The following ARHGEF12 variants were observed in gnomAD, a reference collection of about 807,000 sequenced individuals.
The protein encoded by ARHGEF12 is KMT2A/ARHGEF12 fusion protein.
ARHGEF12 carries 66 observed loss-of-function variants against 211.2 expected under a neutral mutation model. The observed-to-expected ratio is 0.31, with a 90% CI of 0.26 to 0.38. The LOEUF (loss-of-function observed/expected upper bound fraction) is 0.38. Among genes scored for constraint, ARHGEF12 ranks in the 10% least tolerant of loss-of-function variants. The probability of loss-of-function intolerance (pLI) is 1.00; values close to 1 mark genes in which losing one functional copy is unlikely to be tolerated. For synonymous variants in ARHGEF12, 592 were observed against 638.4 expected, an observed-to-expected ratio of 0.93 and a Z score of 1.09; for missense variants, 1,429 against 1,869.5, an observed-to-expected ratio of 0.76 and a Z score of 4.34.
rs375508258 is a variant in ARHGEF12, at chr11:120,441,664, T to A, written c.1093-43T>A. 3.4e-6 allele frequency: 5 copies of A among 1,481,920 alleles called. No homozygotes were observed. In the African/African-American group the frequency reaches 6.9e-5, roughly 21 times the overall value. The allele number at this position is 1,481,920 out of a possible 1,614,324, so 91.8% of individuals were successfully genotyped here. On this transcript the variant is annotated intron_variant, in intron 13 of 40. Transcript: ENST00000397843. Reference sequence around the variant, plus strand: ...ATTGAGCCTACTTTGCATTTAGTATTTGTATGTTGGAGTTACTGATGCATA... The same window carrying A: ...ATTGAGCCTACTTTGCATTTAGTATATGTATGTTGGAGTTACTGATGCATA...
Position 120,480,279 on chromosome 11 carries a change from C to T in ARHGEF12, c.4086C>T (p.Thr1362=). The stretch of plus-strand genomic sequence containing the variant: ...TAGTAATGGACCACATGATTATGAC[C>T]CCAGAGATGCCTACCATGGAGCCAG... ...NILVMDHMIM[T]PEMPTMEPEG... is the part of the protein sequence containing the mutation. The change falls in exon 38 of 41, where the codon ACC becomes ACT. Residue 1362 remains threonine, a synonymous_variant. Coordinates refer to ENST00000397843, the MANE Select transcript of ARHGEF12 (RefSeq NM_015313.3). 1 of 1,614,096 alleles carries T rather than the reference C, an allele frequency of 6.2e-7. No homozygotes were observed. Among genetic ancestry groups the T allele is most frequent in the Non-Finnish European group, 8.5e-7 (1 of 1,180,028 alleles).
chr11:120,485,080 C>G lies in ARHGEF12; in HGVS notation c.*3C>G. Reference sequence around the variant, plus strand: ...TATTCTTCTCAGATAAAAGTTAGAGCCGCATGTCCTGGAGGTGACTGCAGG... The same window carrying G: ...TATTCTTCTCAGATAAAAGTTAGAGGCGCATGTCCTGGAGGTGACTGCAGG... On this transcript the variant is annotated 3_prime_UTR_variant, in exon 41 of 41. Coordinates refer to ENST00000397843, the MANE Select transcript of ARHGEF12 (RefSeq NM_015313.3). 1 of 1,613,540 alleles carries G rather than the reference C, an allele frequency of 6.2e-7. No individual in the cohort carries two copies. Among genetic ancestry groups the G allele is most frequent in the Non-Finnish European group, 8.5e-7 (1 of 1,179,734 alleles).
chr11:120,338,198 C>G (rs1293992520), intron 1 of ARHGEF12, among the ~76,000 whole-genome samples: 1 of 152,196 alleles, frequency 6.6e-6, no homozygotes, highest in Non-Finnish European at 1.5e-5. Context: ...TGTCAGCTTG[C>G]TTTATTTTTA....
chr11:120,359,065 A>G (rs1208470404), intron 1 of ARHGEF12, among the ~76,000 whole-genome samples: 2 of 152,076 alleles, frequency 1.3e-5, no homozygotes, highest in Non-Finnish European at 2.9e-5. Flanking sequence ...GCCCTGAGTG[A>G]GTGATTTTAG....
In ARHGEF12 at chr11:120,442,127, G is replaced by T; in HGVS notation, c.1227G>T (p.Leu409=). The T allele has an allele frequency of 6.2e-7, 1 of 1,609,268 alleles. No homozygotes were observed. Among genetic ancestry groups the T allele is most frequent in the Non-Finnish European group, 8.5e-7 (1 of 1,178,542 alleles). The change falls in exon 15 of 41, where the codon CTG becomes CTT. Residue 409 remains leucine (L), a synonymous_variant. Coordinates refer to ENST00000397843, the MANE Select transcript of ARHGEF12 (RefSeq NM_015313.3). Reference sequence around the variant, plus strand: ...AGCTCTGTTATCTCTATTCAGACCTGTATAAACATACCAATTCCAAAGAAA... The same window carrying T: ...AGCTCTGTTATCTCTATTCAGACCTTTATAAACATACCAATTCCAAAGAAA... ...ATLLCYLYSD[L]YKHTNSKETR...
intron 1 of ARHGEF12, among the ~76,000 whole-genome samples, chr11:120,339,415 T>C (rs1942462351): frequency 6.6e-6 from 1 of 152,194 alleles, no homozygotes; most frequent in Non-Finnish European, 1.5e-5. Context: ...TATATAATAG[T>C]TTCTAGCTTT....
intron 1 of ARHGEF12, among the ~76,000 whole-genome samples, chr11:120,347,145 TTCCTTCCTTCCTTCCTTCCTTCC>T (rs772294017): frequency 7.5e-5 from 7 of 92,982 alleles, no homozygotes; most frequent in African/African-American, 2.5e-4. Flanking sequence ...CCTTCCTTCC[TTCCTTCCTTCCTTCCTTCCTTCC>T]TTCCTTCCTT....
chr11:120,355,730 C>A (rs566271993), intron 1 of ARHGEF12, among the ~76,000 whole-genome samples: 2 of 152,086 alleles, frequency 1.3e-5, no homozygotes, highest in Non-Finnish European at 2.9e-5. Flanking sequence ...AATAAAAAAA[C>A]CCAGATCTTT....
intron 20 of ARHGEF12, 108 bp from the exon 21 acceptor site, chr11:120,449,001 A>G (rs990375435): frequency 4.3e-6 from 4 of 935,978 alleles, no homozygotes; most frequent in East Asian, 2.6e-5. Context: ...ACGGGTTTTC[A>G]TTTACACTTA....
rs183895311 is a variant in ARHGEF12, at chr11:120,460,179, C to T, written c.2528-493C>T. ...TCTCTATGACCCTTAATTTTTTTAT[C>T]TTTCTTTTTCATGTCATCACTAACT... On this transcript the variant is annotated intron_variant, in intron 26 of 40. Transcript: ENST00000397843. 3.4e-3 allele frequency among the ~76,000 whole-genome samples: 522 copies of T among 152,190 alleles called. 3 individuals are homozygous for T. Among genetic ancestry groups the T allele is most frequent in the African/African-American group, 0.011 (461 of 41,530 alleles).
chr11:120,390,586 G>T (rs777963206), intron 1 of ARHGEF12, among the ~76,000 whole-genome samples: 5 of 152,040 alleles, frequency 3.3e-5, no homozygotes, highest in Non-Finnish European at 7.4e-5. Flanking sequence ...CTTTCTATTG[G>T]CTTATCTTTT....
rs1365744254 is a variant in ARHGEF12, at chr11:120,459,264, C to T, written c.2471C>T (p.Ser824Leu). Residue 824 changes from serine to leucine, a missense_variant, in exon 26 of 41, where the codon TCA becomes TTA. Physicochemically the swap from Ser to Leu is moderately radical, Grantham distance 145. This residue lies in a region of ARHGEF12 where 223 missense variants were observed against 444.6 expected (regional missense o/e 0.50). Transcript: ENST00000397843. ...CGAGTATCCAGAGAAGGAATTCTGT[C>T]ACCCTCAGAGCTACGGAAAATTTTT... ...YQRVSREGIL[S>L]PSELRKIFSN... 1 of 1,613,646 alleles carries T rather than the reference C, an allele frequency of 6.2e-7. No individual in the cohort carries two copies. Among genetic ancestry groups the T allele is most frequent in the Non-Finnish European group, 8.5e-7 (1 of 1,179,776 alleles).
intron 1 of ARHGEF12, chr11:120,337,933 C>T (rs1041816425): frequency 9.2e-6 from 9 of 980,506 alleles, no homozygotes; most frequent in Non-Finnish European, 1.2e-6. Context: ...AAACACTTGG[C>T]GTTTAAGAGA....
intron 1 of ARHGEF12, among the ~76,000 whole-genome samples, chr11:120,340,835 C>G (rs1246730781): frequency 6.6e-6 from 1 of 152,184 alleles, no homozygotes; most frequent in Non-Finnish European, 1.5e-5. Context: ...ATAGTACATT[C>G]ACTTGTACAG....
At chr11:120,425,914 A>C (rs547789436) in intron 7 of ARHGEF12, among the ~76,000 whole-genome samples, 1 of 152,314 alleles carries the variant, frequency 6.6e-6, no homozygotes, top group East Asian at 1.9e-4. Flanking sequence ...AATCAGAATC[A>C]CTACTGTTTT....
At chr11:120,482,444 A>G (rs61898767) in intron 39 of ARHGEF12, among the ~76,000 whole-genome samples, 2,696 of 152,264 alleles carry the variant, frequency 0.018, 38 homozygotes, top group Non-Finnish European at 0.029. Context: ...AGAAAGACCT[A>G]TCTTAAAGTT....
chr11:120,454,116 G>T (rs773603779), intron 22 of ARHGEF12, among the ~76,000 whole-genome samples: 22 of 152,110 alleles, frequency 1.4e-4, no homozygotes, highest in Non-Finnish European at 2.4e-4. Flanking sequence ...TAGGCATGCC[G>T]GCAACCCACT....
chr11:120,361,761 C>T (rs904470980), intron 1 of ARHGEF12, among the ~76,000 whole-genome samples: 1 of 152,068 alleles, frequency 6.6e-6, no homozygotes, highest in Non-Finnish European at 1.5e-5. Context: ...TTGTTTTGTA[C>T]GTGGAATACG....
intron 1 of ARHGEF12, among the ~76,000 whole-genome samples, chr11:120,346,360 CCT>C (rs1279436978): frequency 3.9e-5 from 6 of 152,230 alleles, no homozygotes; most frequent in Admixed American, 3.3e-4. Context: ...AGGAGCATCC[CCT>C]GTCTGGGCTG....
Sources: allele counts gnomAD v4.1 joint callset (sites outside exome capture counted in the v4.1 genomes callset), GRCh38; gene constraint gnomAD v4.1.1; regional missense constraint gnomAD v4.1.1; transcripts MANE v1.5; gene names NCBI Gene and HGNC (gene_info 2026-07-23, HGNC 2026-07-21).